The following ZNF226 variants were observed in gnomAD, a reference collection of about 807,000 sequenced individuals.
ZNF226 encodes the protein Kruppel-associated box protein.
Under a neutral mutation model 11.4 loss-of-function variants are expected in ZNF226, and 6 were observed. That is an observed-to-expected ratio of 0.53 (90% confidence interval 0.29 to 1.04). The LOEUF (loss-of-function observed/expected upper bound fraction) is 1.04, where lower values mean the gene tolerates loss of function less well. ZNF226 is among the 50% of genes least tolerant of loss of function. The pLI, the probability that ZNF226 is intolerant of heterozygous loss-of-function variation, is 0.08. For synonymous variants in ZNF226, 350 were observed against 322.8 expected (o/e 1.08, Z -0.90); for missense variants, 1,058 against 956.5 (o/e 1.11, Z -1.40).
chr19:44,197,219 G>A, the ZNF226 span, among the ~76,000 whole-genome samples: 1 of 152,118 alleles, frequency 6.6e-6, no homozygotes, highest in Non-Finnish European at 1.5e-5. Context: ...GTGCACATGT[G>A]TGTGTGTTTC....
At chr19:44,171,353 A>G (rs540602602) in intron 3 of ZNF226, among the ~76,000 whole-genome samples, 1 of 152,288 alleles carries the variant, frequency 6.6e-6, no homozygotes, top group South Asian at 2.1e-4. Context: ...TTTTACTACA[A>G]GAGCTAGATT....
At chr19:44,188,114 T>C in the ZNF226 span, among the ~76,000 whole-genome samples, 9 of 152,152 alleles carry the variant, frequency 5.9e-5, no homozygotes, top group East Asian at 1.7e-3. Context: ...TTAGGTGAAG[T>C]GTTCTGTATG....
chr19:44,177,589 T>A lies in ZNF226; in HGVS notation c.2327T>A (p.Ile776Asn), dbSNP rs778997671. 6.2e-7 allele frequency: 1 copy of A among 1,613,846 alleles called. No homozygotes were observed. The highest frequency in any genetic ancestry group is 8.5e-7 in the Non-Finnish European group (1 of 1,179,880). Residue 776 changes from isoleucine (I) to asparagine (N), a missense_variant, in exon 6 of 6, where the codon ATC becomes AAC. By Grantham distance (149) the Ile-to-Asn change is moderately radical (BLOSUM62 -3). Transcript: ENST00000337433. ...WRSNLTVHHR[I>N]HVGDKSYKSN... ...TCAAATCTTACAGTTCATCACAGAA[T>A]CCATGTTGGTGATAAATCCTATAAA...
Position 44,175,999 on chromosome 19 carries a change from A to T in ZNF226, c.737A>T (p.His246Leu). Reference protein sequence around the residue: ...ILTFDHNSMIHTGQKSYQCNE... With the variant: ...ILTFDHNSMILTGQKSYQCNE... ...ACATTTGATCACAATAGCATGATTCACACAGGACAGAAATCGTACCAGTGT... is the reference window on the plus strand; with the variant it reads ...ACATTTGATCACAATAGCATGATTCTCACAGGACAGAAATCGTACCAGTGT... The change falls in exon 6 of 6, where the codon CAC (histidine) becomes CTC (leucine). Residue 246 changes from histidine (H) to leucine (L), a missense_variant. Coordinates refer to ENST00000337433, the MANE Select transcript of ZNF226 (RefSeq NM_001032373.2). 6.2e-7 allele frequency: 1 copy of T among 1,613,970 alleles called. No homozygotes were observed. The highest frequency in any genetic ancestry group is 1.7e-5 in the Admixed American group (1 of 60,026).
At chr19:44,178,683 C>G (rs1034682174), downstream of ZNF226, among the ~76,000 whole-genome samples, 2 of 151,980 alleles carry the variant, frequency 1.3e-5, no homozygotes, top group Non-Finnish European at 2.9e-5. Flanking sequence ...TAGTATGTAT[C>G]AGAATATAGA....
In ZNF226 at chr19:44,176,067, C is replaced by T; in HGVS notation, c.805C>T (p.Leu269Phe). 1 of 1,614,158 alleles carries T rather than the reference C, an allele frequency of 6.2e-7. No homozygotes were observed. The highest frequency in any genetic ancestry group is 8.5e-7 in the Non-Finnish European group (1 of 1,180,004). The change falls in exon 6 of 6, where the codon CTT becomes TTT. Residue 269 changes from leucine to phenylalanine, a missense_variant. Physicochemically the swap from Leu to Phe is conservative, Grantham distance 22. Coordinates refer to ENST00000337433, the MANE Select transcript of ZNF226 (RefSeq NM_001032373.2). ...CTTCAGTGATCTCTCCAGCTTTGAT[C>T]TTCATCAGCAGTTACAATCAGGAGA... is the stretch of plus-strand genomic sequence containing the variant. Reference protein sequence around the residue: ...KPFSDLSSFDLHQQLQSGEKS... With the variant: ...KPFSDLSSFDFHQQLQSGEKS...
At chr19:44,173,565 A>G (rs1409580385) in intron 5 of ZNF226, 1 of 152,312 alleles carries the variant, frequency 6.6e-6, no homozygotes, top group Non-Finnish European at 1.5e-5. Flanking sequence ...ATCGAGACCA[A>G]CCTGGCTAAC....
chr19:44,191,989 C>T, the ZNF226 span, among the ~76,000 whole-genome samples: 1 of 152,140 alleles, frequency 6.6e-6, no homozygotes, highest in Non-Finnish European at 1.5e-5. Context: ...TGAAAAGGTA[C>T]TTGAATTCAA....
intron 3 of ZNF226, among the ~76,000 whole-genome samples, chr19:44,170,525 A>G (rs755879888): frequency 6.6e-6 from 1 of 152,126 alleles, no homozygotes; most frequent in Non-Finnish European, 1.5e-5. Flanking sequence ...TCACAAGGTC[A>G]GGAGATCGAG....
the ZNF226 span, among the ~76,000 whole-genome samples, chr19:44,188,587 G>C: frequency 6.6e-6 from 1 of 152,158 alleles, no homozygotes; most frequent in African/African-American, 2.4e-5. Context: ...TTATGTAAGG[G>C]ACTTGAGTAT....
chr19:44,166,185 G>A (rs1051923428), intron 2 of ZNF226, among the ~76,000 whole-genome samples: 5 of 152,132 alleles, frequency 3.3e-5, no homozygotes, highest in Non-Finnish European at 5.9e-5. Context: ...CTTTGCTCAA[G>A]GTCTGGGCTA....
chr19:44,172,974 G>A (rs1162708647), intron 5 of ZNF226, 22 bp downstream of exon 5: 2 of 1,560,808 alleles, frequency 1.3e-6, no homozygotes, highest in African/African-American at 2.7e-5. Context: ...ACAGTTATGA[G>A]TTCTTATAGT....
At chr19:44,188,132 T>C in the ZNF226 span, among the ~76,000 whole-genome samples, 1 of 152,192 alleles carries the variant, frequency 6.6e-6, no homozygotes, top group African/African-American at 2.4e-5. Context: ...ATGTATCTGT[T>C]AGATCCAGTT....
downstream of ZNF226, chr19:44,177,843 A>T (rs1248670710): frequency 2.6e-6 from 2 of 784,106 alleles, no homozygotes; most frequent in East Asian, 5.9e-5. Context: ...ATAAAATGTT[A>T]CTTAGAAGAG....
chr19:44,167,024 T>C (rs952064992), intron 2 of ZNF226: 1 of 152,216 alleles, frequency 6.6e-6, no homozygotes, highest in Non-Finnish European at 1.5e-5. Flanking sequence ...CAGTGATTTT[T>C]CTTTCCCACT....
chr19:44,172,154 G>T lies in ZNF226; in HGVS notation c.82G>T (p.Ala28Ser). 3.7e-6 allele frequency: 6 copies of T among 1,613,234 alleles called. No homozygotes were observed. Among genetic ancestry groups the T allele is most frequent in the Non-Finnish European group, 5.1e-6 (6 of 1,179,440 alleles). Reference protein sequence around the residue: ...TEEELGLLGPAQRKLYRDVMV... With the variant: ...TEEELGLLGPSQRKLYRDVMV... ...GGAGGAATTGGGGCTGCTGGGCCCT[G>T]CCCAGAGGAAGCTGTACCGAGATGT... is the stretch of plus-strand genomic sequence containing the variant. Residue 28 changes from alanine to serine, a missense_variant, in exon 4 of 6, where the codon GCC (alanine) becomes TCC (serine). Ala to Ser is a moderately conservative substitution (Grantham distance 99). Transcript: ENST00000337433.
the ZNF226 span, among the ~76,000 whole-genome samples, chr19:44,198,727 T>C: frequency 6.6e-6 from 1 of 152,246 alleles, no homozygotes; most frequent in Non-Finnish European, 1.5e-5. Flanking sequence ...GTAGACCTGT[T>C]CAGGGAGACA....
rs535160344 is a variant in ZNF226 at position 44,172,635 on chromosome 19, CATT to C, written c.143-223_143-221del. 336 of 526,654 alleles carry C rather than the reference CATT, an allele frequency of 6.4e-4. 1 individual carries two copies. The highest frequency in any genetic ancestry group is 6.0e-3 in the African/African-American group (308 of 51,650). The allele number at this position is 526,654 out of a possible 1,614,324, so 32.6% of individuals were successfully genotyped here. A position where few individuals can be genotyped will look rare whatever the true frequency, so the allele number is the denominator to read the frequency against. ...CAATGGGAGATTTAAGGAAAACAGACATTAGTTAAAAATAGGTTATTCAAACTT... is the reference window on the plus strand; with the variant it reads ...CAATGGGAGATTTAAGGAAAACAGACAGTTAAAAATAGGTTATTCAAACTT... On this transcript the variant is annotated intron_variant, in intron 4 of 5. Transcript: ENST00000337433.
chr19:44,170,868 G>A (rs1373541516), intron 3 of ZNF226, among the ~76,000 whole-genome samples: 3 of 150,280 alleles, frequency 2.0e-5, no homozygotes, highest in Non-Finnish European at 2.9e-5. Context: ...AGCCAAGATC[G>A]TGCCACTACT....
Sources: allele counts gnomAD v4.1 joint callset (sites outside exome capture counted in the v4.1 genomes callset), GRCh38; gene constraint gnomAD v4.1.1; transcripts MANE v1.5; gene names NCBI Gene and HGNC (gene_info 2026-07-23, HGNC 2026-07-21).